The following TPR variants were observed in gnomAD, a reference collection of about 807,000 sequenced individuals.
TPR encodes nucleoprotein TPR.
In TPR, 51 loss-of-function variants were observed where a neutral mutation model predicts 316.1. That is an observed-to-expected ratio of 0.16 (90% CI 0.13 to 0.20). The LOEUF (loss-of-function observed/expected upper bound fraction) is 0.20. Among genes scored for constraint, TPR ranks in the 10% least tolerant of loss-of-function variants. TPR has a pLI of 1.00. For synonymous variants in TPR, 981 were observed against 914.7 expected, an observed-to-expected ratio of 1.07 and a Z score of -1.31; for missense variants, 2,272 against 2,754.8, an observed-to-expected ratio of 0.82 and a Z score of 3.92.
chr1:186,322,441 C>A, intron 44 of TPR, 29 bp from the exon 45 acceptor site: 1 of 1,611,270 alleles, frequency 6.2e-7, no homozygotes, highest in Non-Finnish European at 8.5e-7. Context: ...AGTTAACAAA[C>A]AAAACACCAC....
Position 186,375,189 on chromosome 1 carries a change from G to A in TPR, c.-161C>T, listed in dbSNP as rs1175075398. The A allele has an allele frequency of 1.3e-6, 2 of 1,529,546 alleles. No individual in the cohort carries two copies. The highest frequency in any genetic ancestry group is 2.5e-5 in the East Asian group (1 of 40,464). 94.7% of individuals were successfully genotyped at this position (1,529,546 alleles called of 1,614,324 possible). Reference sequence around the variant, plus strand: ...CCGGAGACTCCCGCGGCGGGACCCTGGGAAATCGAGTCCACCCTCAGCGGC... The same window carrying A: ...CCGGAGACTCCCGCGGCGGGACCCTAGGAAATCGAGTCCACCCTCAGCGGC... On this transcript the variant is annotated 5_prime_UTR_variant, in exon 1 of 51. Coordinates refer to ENST00000367478, the MANE Select transcript of TPR (RefSeq NM_003292.3).
At position 186,334,434 on chromosome 1, in the gene TPR, T is replaced by G; in HGVS notation, c.5073A>C (p.Ser1691=). 1 of 1,613,742 alleles carries G rather than the reference T, an allele frequency of 6.2e-7. No homozygotes were observed. ...VTAAAMAGNK[S]TPRASIRPMV... Reference sequence around the variant, plus strand: ...TTGGGCGGATACTAGCCCTGGGTGTTGACTTATTTCCAGCCATAGCTGCAG... The same window carrying G: ...TTGGGCGGATACTAGCCCTGGGTGTGGACTTATTTCCAGCCATAGCTGCAG... The change falls in exon 36 of 51, where the codon TCA becomes TCC. Residue 1691 remains serine, a synonymous_variant. Coordinates refer to ENST00000367478, the MANE Select transcript of TPR (RefSeq NM_003292.3).
At chr1:186,362,445 G>A in intron 6 of TPR, 65 bp from the exon 7 acceptor site, 1 of 1,284,858 alleles carries the variant, frequency 7.8e-7, no homozygotes, top group Non-Finnish European at 1.1e-6. Flanking sequence ...CTGACATGAG[G>A]TTTATGCTGC....
At chr1:186,348,622 A>C (rs1658755155) in intron 21 of TPR, among the ~76,000 whole-genome samples, 1 of 152,084 alleles carries the variant, frequency 6.6e-6, no homozygotes, top group Admixed American at 6.5e-5. Flanking sequence ...TGCTGGTCTG[A>C]GACTCAGGCC....
In TPR at chr1:186,374,981, C is replaced by T; in HGVS notation, c.48G>A (p.Lys16=). The change falls in exon 1 of 51, where the codon AAG becomes AAA. Residue 16 remains lysine, a synonymous_variant. Coordinates refer to ENST00000367478, the MANE Select transcript of TPR (RefSeq NM_003292.3). ...GTTTGTTCTGGACAGACTTGGGCAG[C>T]TTGTTCAGCTCCGTGCGCTCCAGGA... ...QQVLERTELN[K]LPKSVQNKLE... is the part of the protein sequence containing the mutation. The T allele has an allele frequency of 6.2e-7, 1 of 1,614,168 alleles. No individual in the cohort carries two copies. The highest frequency in any genetic ancestry group is 8.5e-7 in the Non-Finnish European group (1 of 1,180,024).
Position 186,363,410 on chromosome 1 carries a change from T to C in TPR, c.463A>G (p.Ser155Gly), listed in dbSNP as rs1659250498. ...TGAAGTTCACCCTTTGTTGTATTGC[T>C]TTCTTTAAGTTTTTCATTCAGACGT... is the stretch of plus-strand genomic sequence containing the variant. ...VKRLNEKLKE[S>G]NTTKGELQLK... The change falls in exon 5 of 51, where the codon AGC (serine) becomes GGC (glycine). Residue 155 changes from serine (S) to glycine (G), a missense_variant. By Grantham distance (56) the Ser-to-Gly change is moderately conservative. Transcript: ENST00000367478. 2 of 1,612,544 alleles carry C rather than the reference T, an allele frequency of 1.2e-6. No homozygotes were observed. The highest frequency in any genetic ancestry group is 1.7e-6 in the Non-Finnish European group (2 of 1,179,024).
At chr1:186,353,541 A>C in intron 18 of TPR, 147 bp downstream of exon 18, 24 of 793,554 alleles carry the variant, frequency 3.0e-5, no homozygotes, top group Non-Finnish European at 4.0e-5. Flanking sequence ...CACACTGGCT[A>C]TTTGCAAACT....
Position 186,351,916 on chromosome 1 carries a change from A to T in TPR, c.2469+60T>A, listed in dbSNP as rs573611432. On this transcript the variant is annotated intron_variant, in intron 19 of 50. Coordinates refer to ENST00000367478, the MANE Select transcript of TPR (RefSeq NM_003292.3). ...TTCTAATTAAGGAAATTGAGAGGAT[A>T]AAAAAAATCTAAATTTAACTTTTAT... 1.6e-5 allele frequency: 25 copies of T among 1,523,064 alleles called. No homozygotes were observed. In the Admixed American group the frequency reaches 2.4e-4, roughly 14 times the overall value. The allele number at this position is 1,523,064 out of a possible 1,614,324, so 94.3% of individuals were successfully genotyped here. A position where few individuals can be genotyped will look rare whatever the true frequency, so the allele number is the denominator to read the frequency against.
At chr1:186,328,581 T>A (rs894661314) in intron 39 of TPR, among the ~76,000 whole-genome samples, 3 of 152,094 alleles carry the variant, frequency 2.0e-5, no homozygotes, top group African/African-American at 7.2e-5. Context: ...GGGTCTGCAA[T>A]GTTTAAACAG....
In TPR at chr1:186,318,463, C is replaced by T. The variant is rs910774397; in HGVS notation, c.6805G>A (p.Glu2269Lys). Residue 2269 changes from glutamate (E) to lysine (K), a missense_variant, in exon 48 of 51, where the codon GAG becomes AAG. Coordinates refer to ENST00000367478, the MANE Select transcript of TPR (RefSeq NM_003292.3). ...AACTTTTACCCTTCAGATTCTGCCT[C>T]CACAAATACTTCATCTCCATCATCA... ...TGDDGDEVFV[E>K]AESEGISSEA... The T allele has an allele frequency of 6.2e-7, 1 of 1,612,068 alleles. No homozygotes were observed. Among genetic ancestry groups the T allele is most frequent in the Non-Finnish European group, 8.5e-7 (1 of 1,179,462 alleles).
intron 36 of TPR, among the ~76,000 whole-genome samples, chr1:186,333,919 A>C (rs1658256857): frequency 6.6e-6 from 1 of 152,188 alleles, no homozygotes. Context: ...TAAAGGGATT[A>C]AACAATAAGA....
chr1:186,344,343 A>C (rs1658611794), intron 25 of TPR, 32 bp downstream of exon 25: 1 of 1,596,650 alleles, frequency 6.3e-7, no homozygotes, highest in Non-Finnish European at 8.5e-7. Flanking sequence ...TTTCAATTCA[A>C]CAGAACATTC....
chr1:186,325,806 C>T lies in TPR; in HGVS notation c.6070G>A (p.Gly2024Arg), dbSNP rs368441966. 8 of 1,613,694 alleles carry T rather than the reference C, an allele frequency of 5.0e-6. No individual in the cohort carries two copies. The highest frequency in any genetic ancestry group is 6.8e-6 in the Non-Finnish European group (8 of 1,179,752). ...GCAGCTCTGTGATTACCTTCACCTC[C>T]ACCCATACTTTCTTCTGTTTCTGTA... ...PGTETEESMGGGEGNHRAADS... is the reference protein window; with the variant it reads ...PGTETEESMGRGEGNHRAADS... Residue 2024 changes from glycine (G) to arginine (R), a missense_variant, in exon 42 of 51, where the codon GGA becomes AGA. Transcript: ENST00000367478.
chr1:186,339,243 A>C (rs984337821), intron 30 of TPR, among the ~76,000 whole-genome samples: 2 of 152,072 alleles, frequency 1.3e-5, no homozygotes, highest in Non-Finnish European at 2.9e-5. Flanking sequence ...CAGCCTGGGC[A>C]ACAGAGGGAA....
At chr1:186,334,830 A>G (rs1001184585) in intron 35 of TPR, among the ~76,000 whole-genome samples, 4 of 152,176 alleles carry the variant, frequency 2.6e-5, no homozygotes, top group African/African-American at 9.7e-5. Flanking sequence ...CTTAGAAACC[A>G]ACTGTAAACT....
chr1:186,351,364 A>G lies in TPR; in HGVS notation c.2576T>C (p.Val859Ala). 3.7e-6 allele frequency: 6 copies of G among 1,612,332 alleles called. No individual in the cohort carries two copies. Among genetic ancestry groups the G allele is most frequent in the South Asian group, 1.1e-5 (1 of 90,600 alleles). Reference sequence around the variant, plus strand: ...TCTAGTAAGTGTATGCCTTTGTTCCACCTCATTTTCCAACTTCTTCTTTAG... The same window carrying G: ...TCTAGTAAGTGTATGCCTTTGTTCCGCCTCATTTTCCAACTTCTTCTTTAG... ...SHLKKKLENE[V>A]EQRHTLTRNL... Residue 859 changes from valine to alanine, a missense_variant, in exon 20 of 51, where the codon GTG (valine) becomes GCG (alanine). By Grantham distance (64) the Val-to-Ala change is moderately conservative. This residue lies in a region of TPR where 757 missense variants were observed against 859.8 expected (regional missense o/e 0.88). Coordinates refer to ENST00000367478, the MANE Select transcript of TPR (RefSeq NM_003292.3).
chr1:186,322,917 T>C (rs1657810906), intron 43 of TPR, among the ~76,000 whole-genome samples: 1 of 152,230 alleles, frequency 6.6e-6, no homozygotes, highest in Non-Finnish European at 1.5e-5. Flanking sequence ...AGTATTCTTT[T>C]GGAGTTCAAA....
intron 2 of TPR, among the ~76,000 whole-genome samples, chr1:186,371,732 T>A (rs1003957321): frequency 2.2e-4 from 34 of 152,222 alleles, no homozygotes; most frequent in African/African-American, 8.2e-4. Context: ...AATTCTAATC[T>A]TAACTTCTAT....
At chr1:186,363,493 G>A in intron 4 of TPR, 48 bp from the exon 5 acceptor site, 5 of 1,253,568 alleles carry the variant, frequency 4.0e-6, no homozygotes, top group South Asian at 2.5e-5. Context: ...TAACACTCAG[G>A]GGAACCAAAT....
Sources: allele counts gnomAD v4.1 joint callset (sites outside exome capture counted in the v4.1 genomes callset), GRCh38; gene constraint gnomAD v4.1.1; regional missense constraint gnomAD v4.1.1; transcripts MANE v1.5; gene names NCBI Gene and HGNC (gene_info 2026-07-23, HGNC 2026-07-21).